The following TENM3 variants were observed in gnomAD, a reference collection of about 807,000 sequenced individuals.
TENM3 encodes the protein teneurin-3.
TENM3 carries 63 observed loss-of-function variants against 255.1 expected under a neutral mutation model. The observed-to-expected ratio is 0.25, with a 90% CI of 0.20 to 0.30. The LOEUF (loss-of-function observed/expected upper bound fraction) is 0.30. Ranked by LOEUF, TENM3 falls within the 10% of genes least tolerant of loss-of-function variation. The probability of loss-of-function intolerance (pLI) is 1.00; values close to 1 mark genes in which losing one functional copy is unlikely to be tolerated. For missense variants in TENM3, 2,929 were observed against 3,461.1 expected (o/e 0.85, Z 3.86); for synonymous variants, 1,306 against 1,322.3 (o/e 0.99, Z 0.27).
the TENM3 span, among the ~76,000 whole-genome samples, chr4:181,770,525 A>G: frequency 6.6e-6 from 1 of 151,956 alleles, no homozygotes; most frequent in South Asian, 2.1e-4. Flanking sequence ...ATGCAAATAA[A>G]TTAGATGGGC....
the TENM3 span, among the ~76,000 whole-genome samples, chr4:181,649,797 G>A: frequency 2.0e-5 from 3 of 152,156 alleles, no homozygotes; most frequent in South Asian, 6.2e-4. Context: ...GAAACGGGGT[G>A]ATATTTTATA....
At chr4:181,475,571 C>T in the TENM3 span, among the ~76,000 whole-genome samples, 3,271 of 152,250 alleles carry the variant, frequency 0.021, 46 homozygotes, top group Non-Finnish European at 0.03. Flanking sequence ...GCTGATTTAG[C>T]TGGGCTGAAA....
At chr4:182,320,087 T>A (rs1484592025) in intron 1 of TENM3, among the ~76,000 whole-genome samples, 3 of 149,060 alleles carry the variant, frequency 2.0e-5, no homozygotes, top group Non-Finnish European at 3.0e-5. Flanking sequence ...CAATCCAGCC[T>A]GAGTGAAAGA....
chr4:181,574,527 G>A, the TENM3 span, among the ~76,000 whole-genome samples: 1 of 148,284 alleles, frequency 6.7e-6, no homozygotes, highest in Non-Finnish European at 1.5e-5. Flanking sequence ...GACAGAGCGA[G>A]ACTCCGTCTC....
chr4:182,472,829 C>T (rs1018731516), intron 3 of TENM3, among the ~76,000 whole-genome samples: 4 of 152,090 alleles, frequency 2.6e-5, no homozygotes, highest in Non-Finnish European at 4.4e-5. Context: ...TATCCTCTCA[C>T]CTCAGCCTCC....
intron 3 of TENM3, among the ~76,000 whole-genome samples, chr4:182,539,861 G>GC (rs752638263): frequency 1.3e-5 from 2 of 152,340 alleles, no homozygotes; most frequent in Admixed American, 6.5e-5. Flanking sequence ...TTAAGTTTGA[G>GC]CTGTCTTCCA....
the TENM3 span, among the ~76,000 whole-genome samples, chr4:181,748,599 A>C: frequency 1.7e-3 from 264 of 152,230 alleles, no homozygotes; most frequent in African/African-American, 6.0e-3. Context: ...CGAGTAAAGA[A>C]ACAGACTTTT....
intron 3 of TENM3, among the ~76,000 whole-genome samples, chr4:182,535,521 G>A (rs552196989): frequency 6.6e-6 from 1 of 152,138 alleles, no homozygotes; most frequent in South Asian, 2.1e-4. Context: ...GATCACTTGA[G>A]CCCAGGAGTT....
chr4:181,859,066 G>A, the TENM3 span, among the ~76,000 whole-genome samples: 4 of 151,998 alleles, frequency 2.6e-5, no homozygotes, highest in East Asian at 7.8e-4. Flanking sequence ...GGTTTTCAAA[G>A]TAAAATAATT....
At chr4:181,893,365 T>C in the TENM3 span, among the ~76,000 whole-genome samples, 1 of 152,090 alleles carries the variant, frequency 6.6e-6, no homozygotes, top group Admixed American at 6.6e-5. Flanking sequence ...ACCTATGGAA[T>C]AGACCTGAAT....
At chr4:181,601,635 G>A in the TENM3 span, among the ~76,000 whole-genome samples, 1 of 152,036 alleles carries the variant, frequency 6.6e-6, no homozygotes, top group African/African-American at 2.4e-5. Context: ...TTTCTGCTCA[G>A]CAATTCAATT....
chr4:182,155,443 T>C (rs1252255234), intron 1 of TENM3, among the ~76,000 whole-genome samples: 3 of 152,064 alleles, frequency 2.0e-5, no homozygotes, highest in African/African-American at 7.2e-5. Flanking sequence ...TTTATATCTA[T>C]AATAAAGATA....
At chr4:182,477,502 A>G (rs1287332540) in intron 3 of TENM3, among the ~76,000 whole-genome samples, 1 of 152,204 alleles carries the variant, frequency 6.6e-6, no homozygotes, top group Non-Finnish European at 1.5e-5. Flanking sequence ...CCTAAAGGTT[A>G]AAAACTTTCA....
At chr4:181,641,807 T>TATATAC in the TENM3 span, among the ~76,000 whole-genome samples, 1 of 34,254 alleles carries the variant, frequency 2.9e-5, no homozygotes, top group South Asian at 1.1e-3. Context: ...ACACACACCA[T>TATATAC]ATATATATAT....
intron 3 of TENM3, among the ~76,000 whole-genome samples, chr4:182,391,205 C>T (rs931189573): frequency 7.9e-5 from 12 of 152,108 alleles, no homozygotes; most frequent in Non-Finnish European, 1.5e-4. Context: ...TTATTTGATC[C>T]GCCTGTGTAG....
chr4:181,778,545 T>C, the TENM3 span, among the ~76,000 whole-genome samples: 1 of 152,190 alleles, frequency 6.6e-6, no homozygotes, highest in East Asian at 1.9e-4. Context: ...CTGGCATGAC[T>C]CAGTGTCTTT....
chr4:181,733,746 A>G, the TENM3 span, among the ~76,000 whole-genome samples: 151 of 152,302 alleles, frequency 9.9e-4, no homozygotes, highest in African/African-American at 3.6e-3. Flanking sequence ...TCAGGTACTT[A>G]GAGTCCCCGG....
Position 182,324,038 on chromosome 4 carries a change from C to A in TENM3, c.18C>A (p.Arg6=). 1 of 1,613,872 alleles carries A rather than the reference C, an allele frequency of 6.2e-7. No individual in the cohort carries two copies. MDVKE[R]RPYCSLTKSR... ...AATGAAGTATGGATGTGAAAGAACG[C>A]AGGCCTTACTGCTCCCTGACCAAGA... Residue 6 remains arginine (R), a synonymous_variant, in exon 2 of 28, where the codon CGC becomes CGA. Transcript: ENST00000511685.
the TENM3 span, among the ~76,000 whole-genome samples, chr4:181,476,218 T>TTTTG: frequency 7.0e-6 from 1 of 142,430 alleles, no homozygotes; most frequent in Non-Finnish European, 1.6e-5. Context: ...TTTTTTTTTT[T>TTTTG]TTTTTTGACA....
Sources: allele counts gnomAD v4.1 joint callset (sites outside exome capture counted in the v4.1 genomes callset), GRCh38; gene constraint gnomAD v4.1.1; transcripts MANE v1.5; gene names NCBI Gene and HGNC (gene_info 2026-07-23, HGNC 2026-07-21).